TENM2: variants seen among roughly 807,000 people sequenced by gnomAD.
The protein encoded by TENM2 is teneurin-2.
In TENM2, 52 loss-of-function variants were observed where a neutral mutation model predicts 245.2. The ratio of observed to expected loss-of-function variants is 0.21; its 90% CI spans 0.17 to 0.27. The LOEUF is 0.27. TENM2 is among the 10% of genes least tolerant of loss of function. The pLI is 1.00. For missense variants in TENM2, 3,046 were observed against 3,666.8 expected, an observed-to-expected ratio of 0.83 and a Z score of 4.37; for synonymous variants, 1,363 against 1,438.9, an observed-to-expected ratio of 0.95 and a Z score of 1.19.
exon 29 of TENM2, chr5:168,262,831 C>T: frequency 6.4e-7 from 1 of 1,569,526 alleles, no homozygotes; most frequent in Non-Finnish European, 8.7e-7. Context: ...TGCTGCCATT[C>T]CTTGTCTGAA....
At chr5:168,038,814 G>C (rs1297339693) in intron 5 of TENM2, among the ~76,000 whole-genome samples, 1 of 151,384 alleles carries the variant, frequency 6.6e-6, no homozygotes, top group East Asian at 1.9e-4. Context: ...GTTTCAGGAT[G>C]GAGATCCAGG....
At chr5:168,038,375 C>T (rs546357336) in intron 5 of TENM2, among the ~76,000 whole-genome samples, 4 of 152,272 alleles carry the variant, frequency 2.6e-5, no homozygotes, top group South Asian at 2.1e-4. Flanking sequence ...GCACCTTCTC[C>T]ACCCTATAAG....
chr5:168,135,912 G>T (rs1755009180), intron 12 of TENM2, among the ~76,000 whole-genome samples: 1 of 152,072 alleles, frequency 6.6e-6, no homozygotes. Flanking sequence ...TATTATTAAG[G>T]TCCTTAAAGA....
chr5:166,995,060 T>G, the TENM2 span, among the ~76,000 whole-genome samples: 247 of 152,252 alleles, frequency 1.6e-3, no homozygotes, highest in African/African-American at 5.7e-3. Context: ...AAAAGATGGA[T>G]GATTCTTGCA....
At chr5:167,459,067 G>A (rs930190316) in intron 2 of TENM2, among the ~76,000 whole-genome samples, 1 of 152,102 alleles carries the variant, frequency 6.6e-6, no homozygotes, top group Non-Finnish European at 1.5e-5. Flanking sequence ...ACATTGTTGT[G>A]CCACTGTCAC....
At position 167,412,056 on chromosome 5, in the gene TENM2, T is replaced by C. The variant is rs183767204; in HGVS notation, c.502+36583T>C. Among the ~76,000 whole-genome samples the C allele has an allele frequency of 2.4e-3, 367 of 152,172 alleles. 2 individuals are homozygous for C. Among genetic ancestry groups the C allele is most frequent in the African/African-American group, 8.3e-3 (344 of 41,548 alleles). ...GGTAAAGAAATATCTAGCTATCAAA[T>C]TGGGTACAGTGGGATTTAAGGGTTC... On this transcript the variant is annotated intron_variant, in intron 2 of 28. Coordinates refer to ENST00000518659, the Ensembl canonical transcript of TENM2.
At chr5:167,134,614 G>T in the TENM2 span, among the ~76,000 whole-genome samples, 3 of 152,154 alleles carry the variant, frequency 2.0e-5, no homozygotes, top group Non-Finnish European at 4.4e-5. Context: ...GCCTGGTTTG[G>T]TCGGTTTTGC....
chr5:168,003,323 ACACACACACACACACACACACACC>A (rs1784555971), intron 5 of TENM2, among the ~76,000 whole-genome samples: 1 of 135,556 alleles, frequency 7.4e-6, no homozygotes, highest in African/African-American at 2.8e-5. Context: ...ACACACACAC[ACACACACACACACACACACACACC>A]CCCAAAGCTG....
intron 2 of TENM2, among the ~76,000 whole-genome samples, chr5:167,475,339 T>C (rs898446413): frequency 3.3e-5 from 5 of 152,164 alleles, no homozygotes; most frequent in Non-Finnish European, 7.3e-5. Flanking sequence ...ATGTACATTA[T>C]ACCTGCCAAT....
rs190185453 is a variant in TENM2 at position 167,868,909 on chromosome 5, G to T, written c.503-7077G>T. Among the ~76,000 whole-genome samples, 740 of 152,172 alleles carry T rather than the reference G, an allele frequency of 4.9e-3. 4 individuals carry two copies. Among genetic ancestry groups the T allele is most frequent in the Admixed American group, 0.023 (352 of 15,284 alleles). ...CTGAAAGTCTCATTATTTCCATCTG[G>T]GTCCCTTGTCCCTACTGTCTGTCAA... is the stretch of plus-strand genomic sequence containing the variant. On this transcript the variant is annotated intron_variant, in intron 2 of 28. Transcript: ENST00000518659.
intron 2 of TENM2, among the ~76,000 whole-genome samples, chr5:167,519,140 G>A (rs545088773): frequency 3.6e-4 from 55 of 152,186 alleles, no homozygotes; most frequent in Admixed American, 1.1e-3. Flanking sequence ...CTAACACTCT[G>A]TAACAAACAA....
At chr5:168,139,687 C>T (rs551006644) in intron 12 of TENM2, among the ~76,000 whole-genome samples, 1 of 152,256 alleles carries the variant, frequency 6.6e-6, no homozygotes, top group South Asian at 2.1e-4. Context: ...CTCAAATTCC[C>T]ATACATGGGG....
chr5:167,107,489 T>C, the TENM2 span, among the ~76,000 whole-genome samples: 1 of 152,148 alleles, frequency 6.6e-6, no homozygotes, highest in African/African-American at 2.4e-5. Context: ...AGGGTTATCA[T>C]TGTATTTCTA....
intron 2 of TENM2, among the ~76,000 whole-genome samples, chr5:167,386,490 C>T (rs528171006): frequency 1.1e-4 from 17 of 152,188 alleles, no homozygotes; most frequent in South Asian, 8.3e-4. Flanking sequence ...CTGACTTTTC[C>T]TTTTGCCATC....
intron 2 of TENM2, among the ~76,000 whole-genome samples, chr5:167,492,428 C>T (rs1197380084): frequency 2.0e-5 from 3 of 151,988 alleles, no homozygotes; most frequent in African/African-American, 7.3e-5. Context: ...ATAATGCATG[C>T]GATGGGCTGA....
the TENM2 span, among the ~76,000 whole-genome samples, chr5:166,988,832 C>A: frequency 6.6e-6 from 1 of 152,176 alleles, no homozygotes; most frequent in Admixed American, 6.5e-5. Flanking sequence ...AACTCACCCC[C>A]ATCCTTGCTT....
chr5:167,546,353 G>C (rs1205267714), intron 2 of TENM2, among the ~76,000 whole-genome samples: 4 of 152,238 alleles, frequency 2.6e-5, no homozygotes, highest in African/African-American at 9.6e-5. Flanking sequence ...ATGAGTCATT[G>C]TCTACTGGAA....
the TENM2 span, among the ~76,000 whole-genome samples, chr5:167,264,155 A>G: frequency 5.9e-5 from 9 of 151,828 alleles, no homozygotes; most frequent in African/African-American, 2.2e-4. Flanking sequence ...CATTTTAGAA[A>G]TTCTCATGTT....
intron 2 of TENM2, among the ~76,000 whole-genome samples, chr5:167,581,353 T>C (rs2127682638): frequency 6.6e-6 from 1 of 152,360 alleles, no homozygotes; most frequent in Admixed American, 6.5e-5. Context: ...AGATTAAAAC[T>C]GAGTCTGTTA....
Sources: gnomAD v4.1 joint callset for allele counts (sites outside exome capture counted in the v4.1 genomes callset) on GRCh38, gnomAD v4.1.1 for gene constraint, MANE v1.5 for transcripts, NCBI Gene and HGNC (gene_info 2026-07-23, HGNC 2026-07-21) for gene names.